Variants in RLIG1 observed in about 807,000 individuals in gnomAD.
RLIG1 encodes the protein RNA ligase 1.
chr12:88,049,305 A>C, the RLIG1 span: 4 of 1,598,842 alleles, frequency 2.5e-6, no homozygotes, highest in South Asian at 4.5e-5. Context: ...CTCTTCTAAG[A>C]GAATATTCTT....
chr12:88,046,082 G>A, the RLIG1 span, among the ~76,000 whole-genome samples: 2 of 152,096 alleles, frequency 1.3e-5, no homozygotes, highest in Non-Finnish European at 2.9e-5. Flanking sequence ...TGAGTCGATT[G>A]ATGAAAATGC....
chr12:88,039,452 T>G, the RLIG1 span, among the ~76,000 whole-genome samples: 1 of 152,216 alleles, frequency 6.6e-6, no homozygotes, highest in African/African-American at 2.4e-5. Flanking sequence ...GAAGCACTTA[T>G]GAAGTTTAAG....
At chr12:88,046,842 A>T in the RLIG1 span, 2 of 1,612,716 alleles carry the variant, frequency 1.2e-6, no homozygotes, top group Non-Finnish European at 8.5e-7. Context: ...ACATCTTCTT[A>T]TACCACATGG....
At chr12:88,039,888 C>T in the RLIG1 span, among the ~76,000 whole-genome samples, 1 of 152,156 alleles carries the variant, frequency 6.6e-6, no homozygotes, top group Admixed American at 6.5e-5. Context: ...GCTAGGGATG[C>T]AGCATTGCAA....
the RLIG1 span, chr12:88,049,803 C>G: frequency 6.5e-6 from 1 of 154,808 alleles, no homozygotes; most frequent in African/African-American, 2.5e-5. Flanking sequence ...ATTTTCCTTA[C>G]TAATATCTAA....
At chr12:88,046,278 A>G in the RLIG1 span, among the ~76,000 whole-genome samples, 7 of 152,154 alleles carry the variant, frequency 4.6e-5, no homozygotes, top group African/African-American at 1.7e-4. Context: ...TAAAGCTATA[A>G]TAGGAAAATC....
chr12:88,042,937 CTT>C, the RLIG1 span: 3 of 1,466,426 alleles, frequency 2.0e-6, no homozygotes, highest in African/African-American at 4.3e-5. Context: ...TTTTTTTTAA[CTT>C]TTCATGTTTA....
the RLIG1 span, chr12:88,043,969 C>T: frequency 1.4e-4 from 63 of 446,236 alleles, 2 homozygotes; most frequent in Middle Eastern, 1.3e-3. Flanking sequence ...GACAATAAAG[C>T]GTCAAAAGAG....
the RLIG1 span, among the ~76,000 whole-genome samples, chr12:88,038,547 A>AT: frequency 6.6e-6 from 1 of 152,164 alleles, no homozygotes; most frequent in South Asian, 2.1e-4. Flanking sequence ...CATCTTGAAC[A>AT]TTTTTTAAGT....
the RLIG1 span, chr12:88,046,788 G>C: frequency 6.3e-7 from 1 of 1,584,512 alleles, no homozygotes; most frequent in Non-Finnish European, 8.6e-7. Context: ...TATGGCTAAT[G>C]GCAAATTTTC....
At chr12:88,036,203 A>G in the RLIG1 span, 2 of 576,222 alleles carry the variant, frequency 3.5e-6, no homozygotes, top group Admixed American at 3.3e-5. Context: ...TAGGTCACTG[A>G]AGTTCACACC....
chr12:88,035,996 A>G, the RLIG1 span: 2 of 1,506,422 alleles, frequency 1.3e-6, no homozygotes, highest in Non-Finnish European at 1.8e-6. Context: ...TTGTCCTCGC[A>G]AGGAAATGGA....
At chr12:88,036,677 T>A in the RLIG1 span, among the ~76,000 whole-genome samples, 1 of 152,214 alleles carries the variant, frequency 6.6e-6, no homozygotes, top group Non-Finnish European at 1.5e-5. Flanking sequence ...TCTGATCTTT[T>A]CCTGCTTTCT....
chr12:88,048,396 C>G, the RLIG1 span: 1 of 1,506,218 alleles, frequency 6.6e-7, no homozygotes, highest in African/African-American at 1.4e-5. Context: ...ATTTGTTAGA[C>G]TCAAAGATAT....
At chr12:88,043,650 T>C in the RLIG1 span, 2 of 1,613,126 alleles carry the variant, frequency 1.2e-6, no homozygotes, top group Non-Finnish European at 1.7e-6. Context: ...GAGTGCTGGA[T>C]ACCAGCAAAG....
chr12:88,046,989 A>T, the RLIG1 span: 1 of 1,591,580 alleles, frequency 6.3e-7, no homozygotes, highest in Non-Finnish European at 8.6e-7. Context: ...AATGGCAAAA[A>T]TAGCTCCGGT....
chr12:88,047,416 A>T, the RLIG1 span, among the ~76,000 whole-genome samples: 1 of 152,262 alleles, frequency 6.6e-6, no homozygotes, highest in South Asian at 2.1e-4. Flanking sequence ...TCTCACAGGT[A>T]CCTGAAATTC....
chr12:88,048,661 G>T, the RLIG1 span: 1 of 286,752 alleles, frequency 3.5e-6, no homozygotes, highest in African/African-American at 2.2e-5. Flanking sequence ...GACAAAGGCT[G>T]GATTCTCTTC....
the RLIG1 span, chr12:88,035,602 G>A: frequency 6.4e-7 from 1 of 1,553,614 alleles, no homozygotes; most frequent in Non-Finnish European, 8.7e-7. Context: ...TGGACCGGGC[G>A]CCGCTCGAAA....
Sources: gnomAD v4.1 joint callset for allele counts (sites outside exome capture counted in the v4.1 genomes callset) on GRCh38, gnomAD v4.1.1 for gene constraint, MANE v1.5 for transcripts, NCBI Gene and HGNC (gene_info 2026-07-23, HGNC 2026-07-21) for gene names.